The following DCDC2 variants were observed in gnomAD, a reference collection of about 807,000 sequenced individuals.
DCDC2 encodes doublecortin domain-containing protein 2.
A neutral mutation model predicts 50.2 loss-of-function variants in DCDC2; 40 were observed. The ratio of observed to expected loss-of-function variants is 0.80; its 90% CI spans 0.62 to 1.04. The LOEUF (loss-of-function observed/expected upper bound fraction) is 1.04, where lower values mean the gene tolerates loss of function less well. DCDC2 is among the 50% of genes least tolerant of loss of function. DCDC2 has a pLI of 0.00. For missense variants in DCDC2, 570 were observed against 581.9 expected (o/e 0.98, Z 0.21); for synonymous variants, 234 against 210.6 (o/e 1.11, Z -0.96).
the DCDC2 span, among the ~76,000 whole-genome samples, chr6:24,382,902 AT>A: frequency 2.0e-4 from 31 of 151,626 alleles, 1 homozygote; most frequent in African/African-American, 6.8e-4. Context: ...ACTTTCATGG[AT>A]TTTTTTTTAG....
At chr6:24,212,642 C>A (rs1326728145) in intron 7 of DCDC2, among the ~76,000 whole-genome samples, 1 of 152,194 alleles carries the variant, frequency 6.6e-6, no homozygotes, top group Admixed American at 6.5e-5. Context: ...TCAATTACTA[C>A]GTGAAGGATC....
chr6:24,175,809 CCTT>C (rs1236993010), intron 9 of DCDC2, among the ~76,000 whole-genome samples: 3 of 152,210 alleles, frequency 2.0e-5, no homozygotes, highest in South Asian at 2.1e-4. Context: ...AGTAGACAGT[CCTT>C]CTGTAAAAGT....
intron 2 of DCDC2, among the ~76,000 whole-genome samples, chr6:24,352,698 A>T (rs1188398343): frequency 6.6e-6 from 1 of 152,166 alleles, no homozygotes; most frequent in Non-Finnish European, 1.5e-5. Flanking sequence ...GTGAGAGGAA[A>T]TGGTGAGTGT....
intron 5 of DCDC2, among the ~76,000 whole-genome samples, chr6:24,289,627 T>C (rs1026374509): frequency 5.3e-5 from 8 of 152,186 alleles, no homozygotes; most frequent in African/African-American, 1.7e-4. Context: ...AAGATTTGAT[T>C]TCATGGATGG....
At chr6:24,276,466 T>C (rs931926112) in intron 7 of DCDC2, among the ~76,000 whole-genome samples, 2 of 152,012 alleles carry the variant, frequency 1.3e-5, no homozygotes, top group African/African-American at 4.8e-5. Context: ...TGATGGGTAT[T>C]AAAGTATTAC....
At chr6:24,350,894 T>C (rs930957693) in intron 2 of DCDC2, among the ~76,000 whole-genome samples, 19 of 152,218 alleles carry the variant, frequency 1.2e-4, no homozygotes, top group African/African-American at 3.6e-4. Context: ...GAAATGCCAG[T>C]GTTCTACCAA....
chr6:24,195,919 G>A (rs193001162), intron 8 of DCDC2, among the ~76,000 whole-genome samples: 75 of 152,282 alleles, frequency 4.9e-4, no homozygotes, highest in Non-Finnish European at 7.1e-4. Flanking sequence ...TGAAAGCAAA[G>A]ACTTCTAAAA....
chr6:24,179,547 C>CAA lies in DCDC2; in HGVS notation c.1024-917_1024-916dup, dbSNP rs56731018. Among the ~76,000 whole-genome samples, 118 of 49,596 alleles carry CAA rather than the reference C, an allele frequency of 2.4e-3. 2 individuals carry two copies. Among genetic ancestry groups the CAA allele is most frequent in the Non-Finnish European group, 3.1e-3 (94 of 30,730 alleles). 32.5% of individuals were successfully genotyped at this position (49,596 alleles called of 152,430 possible). ...TGGGTGACAGAGCAAGACACCATCT[C>CAA]AAAAAAAAAAAAAAAAAAAAAAAAA... On this transcript the variant is annotated intron_variant, in intron 8 of 9. Coordinates refer to ENST00000378454, the MANE Select transcript of DCDC2 (RefSeq NM_016356.5).
intron 8 of DCDC2, among the ~76,000 whole-genome samples, chr6:24,200,010 T>C (rs1378878412): frequency 6.6e-6 from 1 of 152,078 alleles, no homozygotes; most frequent in Non-Finnish European, 1.5e-5. Flanking sequence ...TGGGACTATG[T>C]GAAAAGACCA....
At chr6:24,312,596 T>C (rs1759593170) in intron 2 of DCDC2, among the ~76,000 whole-genome samples, 2 of 152,162 alleles carry the variant, frequency 1.3e-5, no homozygotes, top group Non-Finnish European at 2.9e-5. Flanking sequence ...AAACCACTCA[T>C]CTCTACCTGG....
chr6:24,247,067 T>C (rs1173866595), intron 7 of DCDC2, among the ~76,000 whole-genome samples: 1 of 152,064 alleles, frequency 6.6e-6, no homozygotes, highest in African/African-American at 2.4e-5. Flanking sequence ...TTAACATATA[T>C]AAAGGGAGAC....
chr6:24,271,906 A>G (rs376185935), intron 7 of DCDC2, among the ~76,000 whole-genome samples: 5 of 152,068 alleles, frequency 3.3e-5, no homozygotes, highest in African/African-American at 7.2e-5. Context: ...CACCTCACAA[A>G]TTTTTCCTTT....
In DCDC2 at chr6:24,357,726, T is replaced by C. The variant is rs1561787459; in HGVS notation, c.25A>G (p.Ser9Gly). MSGSSARS[S>G]HLSQPVVKSV... ...TTCACGACGGGCTGAGACAGGTGGC[T>C]GGACCTGGCGCTGCTGCCGCTCATC... Residue 9 changes from serine (S) to glycine (G), a missense_variant, in exon 1 of 10, where the codon AGC becomes GGC. Coordinates refer to ENST00000378454, the MANE Select transcript of DCDC2 (RefSeq NM_016356.5). 1 of 1,612,698 alleles carries C rather than the reference T, an allele frequency of 6.2e-7. No homozygotes were observed. The highest frequency in any genetic ancestry group is 8.5e-7 in the Non-Finnish European group (1 of 1,179,544).
At chr6:24,317,783 C>T (rs906442495) in intron 2 of DCDC2, among the ~76,000 whole-genome samples, 4 of 148,702 alleles carry the variant, frequency 2.7e-5, no homozygotes, top group African/African-American at 7.5e-5. Context: ...GTAAAAAGAA[C>T]TCTTTATACA....
At chr6:24,364,386 C>T in the DCDC2 span, among the ~76,000 whole-genome samples, 1 of 152,170 alleles carries the variant, frequency 6.6e-6, no homozygotes, top group Non-Finnish European at 1.5e-5. Context: ...GATCCTCCCA[C>T]CTCAGCCTCC....
chr6:24,250,134 A>C (rs1762767767), intron 7 of DCDC2, among the ~76,000 whole-genome samples: 1 of 152,166 alleles, frequency 6.6e-6, no homozygotes, highest in African/African-American at 2.4e-5. Context: ...CCTTCTCATC[A>C]TCTCTCACTG....
intron 7 of DCDC2, among the ~76,000 whole-genome samples, chr6:24,222,860 G>A (rs1762148688): frequency 2.0e-5 from 3 of 152,190 alleles, no homozygotes; most frequent in South Asian, 4.1e-4. Context: ...TATTATTAAA[G>A]CCATTATTAT....
At chr6:24,381,000 C>G in the DCDC2 span, among the ~76,000 whole-genome samples, 1 of 151,282 alleles carries the variant, frequency 6.6e-6, no homozygotes, top group Non-Finnish European at 1.5e-5. Flanking sequence ...GGGAGGATCA[C>G]TTGAGTCCAA....
chr6:24,359,209 ATATAT>A (rs1760588044), upstream of DCDC2, among the ~76,000 whole-genome samples: 1 of 74,776 alleles, frequency 1.3e-5, no homozygotes, highest in African/African-American at 5.7e-5. Context: ...TATATATTTT[ATATAT>A]TATATATTTT....
Sources: allele counts gnomAD v4.1 joint callset (sites outside exome capture counted in the v4.1 genomes callset), GRCh38; gene constraint gnomAD v4.1.1; transcripts MANE v1.5; gene names NCBI Gene and HGNC (gene_info 2026-07-23, HGNC 2026-07-21).